The following RGS17 variants were observed in gnomAD, a reference collection of about 807,000 sequenced individuals.
The protein encoded by RGS17 is regulator of G protein signaling 17.
Under a neutral mutation model 25.5 loss-of-function variants are expected in RGS17, and 12 were observed. That is an observed-to-expected ratio of 0.47 (90% CI 0.30 to 0.76). The LOEUF is 0.76. Among genes scored for constraint, RGS17 ranks in the 30% least tolerant of loss-of-function variants. The probability of loss-of-function intolerance (pLI) is 0.07; values close to 1 mark genes in which losing one functional copy is unlikely to be tolerated. For missense variants in RGS17, 196 were observed against 242.2 expected, an observed-to-expected ratio of 0.81 and a Z score of 1.27; for synonymous variants, 71 against 76.9, an observed-to-expected ratio of 0.92 and a Z score of 0.40.
At chr6:153,120,574 C>A (rs1485898370) in intron 1 of RGS17, among the ~76,000 whole-genome samples, 3 of 152,272 alleles carry the variant, frequency 2.0e-5, no homozygotes, top group Non-Finnish European at 2.9e-5. Context: ...TGACCGCCCC[C>A]CTGCATGGAC....
At chr6:153,111,562 A>G (rs4631302) in intron 1 of RGS17, among the ~76,000 whole-genome samples, 71,005 of 152,070 alleles carry the variant, frequency 0.47, 17,215 homozygotes, top group East Asian at 0.85. Context: ...AGAGAGCAGC[A>G]GATCTTCCAG....
intron 1 of RGS17, among the ~76,000 whole-genome samples, chr6:153,070,141 C>T (rs571598903): frequency 1.7e-4 from 26 of 152,116 alleles, no homozygotes; most frequent in African/African-American, 5.5e-4. Flanking sequence ...ACTCAGCAGC[C>T]CTGACACAGC....
chr6:153,079,761 G>GT (rs561971631), intron 1 of RGS17, among the ~76,000 whole-genome samples: 2 of 149,290 alleles, frequency 1.3e-5, no homozygotes, highest in Non-Finnish European at 2.9e-5. Flanking sequence ...TGATCTGTAG[G>GT]TTTTTTTAAT....
At chr6:153,071,161 T>TAC (rs988414276) in intron 1 of RGS17, among the ~76,000 whole-genome samples, 2 of 150,478 alleles carry the variant, frequency 1.3e-5, no homozygotes, top group Admixed American at 1.3e-4. Context: ...TATGTACATA[T>TAC]ACACACACTC....
chr6:153,117,618 G>A lies in RGS17; in HGVS notation c.-26+13506C>T, dbSNP rs539468759. Among the ~76,000 whole-genome samples, 3 of 152,304 alleles carry A rather than the reference G, an allele frequency of 2.0e-5. No individual in the cohort carries two copies. In the East Asian group the frequency reaches 5.8e-4, roughly 29 times the overall value. The stretch of plus-strand genomic sequence containing the variant: ...TTGTGAGTGGACAGAAAAGTATACA[G>A]AGAATATGTGCTCTTCCTCCAAACC... On this transcript the variant is annotated intron_variant, in intron 1 of 4. Coordinates refer to ENST00000206262, the MANE Select transcript of RGS17 (RefSeq NM_012419.5).
chr6:153,075,550 G>C (rs1242516876), intron 1 of RGS17, among the ~76,000 whole-genome samples: 1 of 152,114 alleles, frequency 6.6e-6, no homozygotes, highest in Non-Finnish European at 1.5e-5. Flanking sequence ...CTGCTGCATG[G>C]AACAATAGAG....
At chr6:153,109,402 C>T (rs1777434054) in intron 1 of RGS17, among the ~76,000 whole-genome samples, 2 of 152,290 alleles carry the variant, frequency 1.3e-5, no homozygotes, top group African/African-American at 2.4e-5. Context: ...CAATTGCACA[C>T]AGGCAACATT....
chr6:153,085,989 A>C (rs923254364), intron 1 of RGS17, among the ~76,000 whole-genome samples: 1 of 152,154 alleles, frequency 6.6e-6, no homozygotes, highest in African/African-American at 2.4e-5. Flanking sequence ...AGTTCATGGG[A>C]TCATATTTAT....
chr6:153,031,557 G>T (rs186751847), intron 2 of RGS17, among the ~76,000 whole-genome samples: 323 of 152,270 alleles, frequency 2.1e-3, no homozygotes, highest in African/African-American at 7.2e-3. Context: ...TATTGGGGTT[G>T]ACTTACACAA....
chr6:153,115,520 A>G (rs958110432), intron 1 of RGS17, among the ~76,000 whole-genome samples: 6 of 152,216 alleles, frequency 3.9e-5, no homozygotes, highest in African/African-American at 2.4e-5. Context: ...TATAGATTCA[A>G]TGCTATCCCC....
intron 1 of RGS17, among the ~76,000 whole-genome samples, chr6:153,074,345 G>C (rs889849514): frequency 1.3e-5 from 2 of 152,152 alleles, no homozygotes; most frequent in African/African-American, 4.8e-5. Context: ...TAGTGTTTCA[G>C]GGTTTTAACA....
chr6:153,062,332 G>A (rs542772050), intron 1 of RGS17, among the ~76,000 whole-genome samples: 24 of 152,110 alleles, frequency 1.6e-4, no homozygotes, highest in Non-Finnish European at 2.6e-4. Context: ...CTAAGGGAGG[G>A]ACAACACAAC....
chr6:153,106,535 A>C (rs2129124343), intron 1 of RGS17, among the ~76,000 whole-genome samples: 1 of 151,254 alleles, frequency 6.6e-6, no homozygotes, highest in African/African-American at 2.4e-5. Flanking sequence ...TCAGGAAGGG[A>C]GAATTCACTA....
intron 1 of RGS17, among the ~76,000 whole-genome samples, chr6:153,117,691 TATC>T (rs1435932751): frequency 6.6e-6 from 1 of 152,214 alleles, no homozygotes; most frequent in African/African-American, 2.4e-5. Flanking sequence ...TTATCATAAT[TATC>T]ATCTTCTTCT....
chr6:153,129,742 A>C (rs1216896694), intron 1 of RGS17, among the ~76,000 whole-genome samples: 1 of 152,270 alleles, frequency 6.6e-6, no homozygotes, highest in Non-Finnish European at 1.5e-5. Context: ...AAAGAAAGAA[A>C]TAACTCTGAA....
rs151333707 is a variant in RGS17 at position 153,115,945 on chromosome 6, C to T, written c.-26+15179G>A. 1.4e-3 allele frequency among the ~76,000 whole-genome samples: 207 copies of T among 152,212 alleles called. 1 individual carries two copies. Among genetic ancestry groups the T allele is most frequent in the African/African-American group, 4.7e-3 (194 of 41,540 alleles). On this transcript the variant is annotated intron_variant, in intron 1 of 4. Coordinates refer to ENST00000206262, the MANE Select transcript of RGS17 (RefSeq NM_012419.5). ...ACTAAAGATAGATTAAAGACTTAAA[C>T]GTAAAACCTAAATCTGTAGAAACCT...
rs910470136 is a variant in RGS17, at chr6:153,005,362, A to C, written c.*6212T>G. ...TATTTTCTTTATAGCATTTATTAGT[A>C]ATCACTTAGTGGAACCTAATATTAG... On this transcript the variant is annotated 3_prime_UTR_variant, in exon 5 of 5. Transcript: ENST00000206262. 6.6e-6 allele frequency: 1 copy of C among 152,202 alleles called. No homozygotes were observed. The highest frequency in any genetic ancestry group is 1.5e-5 in the Non-Finnish European group (1 of 68,034). The allele number at this position is 152,202 out of a possible 1,614,324, so 9.4% of individuals were successfully genotyped here.
intron 1 of RGS17, among the ~76,000 whole-genome samples, chr6:153,059,265 T>A (rs1203862520): frequency 6.6e-6 from 1 of 152,224 alleles, no homozygotes; most frequent in Non-Finnish European, 1.5e-5. Context: ...TTTTGGCTCA[T>A]GTATATCTAT....
At chr6:153,012,744 A>C (rs1037762786) in intron 4 of RGS17, among the ~76,000 whole-genome samples, 1 of 152,208 alleles carries the variant, frequency 6.6e-6, no homozygotes, top group African/African-American at 2.4e-5. Context: ...TAGTTATTTC[A>C]TGACATATTC....
Sources: gnomAD v4.1 joint callset for allele counts (sites outside exome capture counted in the v4.1 genomes callset) on GRCh38, gnomAD v4.1.1 for gene constraint, MANE v1.5 for transcripts, NCBI Gene and HGNC (gene_info 2026-07-23, HGNC 2026-07-21) for gene names.